Variants in MMP25 observed in about 807,000 individuals in gnomAD.
The protein encoded by MMP25 is matrix metallopeptidase 25.
Under a neutral mutation model 62.1 loss-of-function variants are expected in MMP25, and 68 were observed. The observed-to-expected ratio is 1.10, with a 90% confidence interval of 0.90 to 1.34. The LOEUF (loss-of-function observed/expected upper bound fraction) is 1.34. Among genes scored for constraint, MMP25 ranks in the 40% most tolerant of loss-of-function variants. MMP25 has a pLI of 0.00. For missense variants in MMP25, 942 were observed against 792.5 expected, an observed-to-expected ratio of 1.19 and a Z score of -2.26; for synonymous variants, 407 against 345.6, an observed-to-expected ratio of 1.18 and a Z score of -1.97.
intron 2 of MMP25, 22 bp from the exon 3 acceptor site, chr16:3,049,987 C>T (rs1955874577): frequency 2.5e-6 from 4 of 1,606,356 alleles, no homozygotes; most frequent in South Asian, 1.1e-5. Context: ...ACACACCCCC[C>T]ACCGCCAAAT....
Position 3,058,817 on chromosome 16 carries a change from G to A in MMP25, c.1418-10G>A. ...GGGGAGGGACCGGGACTCAAGCTCTGCTCCTCCAGGTGACACCTACTTCTT... is the reference window on the plus strand; with the variant it reads ...GGGGAGGGACCGGGACTCAAGCTCTACTCCTCCAGGTGACACCTACTTCTT... On this transcript the variant is annotated splice_polypyrimidine_tract_variant and intron_variant, in intron 9 of 9. Transcript: ENST00000336577. The A allele has an allele frequency of 1.3e-6, 2 of 1,506,864 alleles. No homozygotes were observed. The highest frequency in any genetic ancestry group is 1.8e-6 in the Non-Finnish European group (2 of 1,123,858). 93.3% of individuals were successfully genotyped at this position (1,506,864 alleles called of 1,614,324 possible). A position where few individuals can be genotyped will look rare whatever the true frequency, so the allele number is the denominator to read the frequency against.
intron 7 of MMP25, 57 bp downstream of exon 7, chr16:3,057,670 C>A: frequency 6.6e-7 from 1 of 1,505,480 alleles, no homozygotes; most frequent in Non-Finnish European, 9.3e-7. Context: ...TCCAGTGACC[C>A]ACTGGGGCTG....
intron 4 of MMP25, chr16:3,055,877 T>G: frequency 2.2e-6 from 1 of 455,550 alleles, no homozygotes; most frequent in Non-Finnish European, 4.4e-6. Context: ...CACCGGTTGA[T>G]GAGGAGCTGG....
chr16:3,048,996 C>A (rs1391547606), intron 2 of MMP25, among the ~76,000 whole-genome samples: 1 of 151,868 alleles, frequency 6.6e-6, no homozygotes, highest in African/African-American at 2.4e-5. Context: ...TTAGTAGAGA[C>A]AGGGTTTTGC....
chr16:3,047,336 G>A, intron 1 of MMP25, 79 bp from the exon 2 acceptor site: 3 of 1,535,144 alleles, frequency 2.0e-6, no homozygotes, highest in Non-Finnish European at 1.8e-6. Flanking sequence ...GGAGGGGCAG[G>A]GCTGCCAGGA....
chr16:3,058,217 T>C lies in MMP25; in HGVS notation c.1043T>C (p.Leu348Pro). 6.2e-7 allele frequency: 1 copy of C among 1,612,630 alleles called. No homozygotes were observed. The highest frequency in any genetic ancestry group is 1.1e-5 in the South Asian group (1 of 90,934). The change falls in exon 8 of 10, where the codon CTG becomes CCG. Residue 348 changes from leucine to proline, a missense_variant. Leu to Pro is a moderately conservative substitution (Grantham distance 98). Coordinates refer to ENST00000336577, the MANE Select transcript of MMP25 (RefSeq NM_022468.5). Reference sequence around the variant, plus strand: ...TGGCGCCTCCAGCCCTCCGGACAGCTGGTGTCCCCGCGACCCGCACGGCTG... The same window carrying C: ...TGGCGCCTCCAGCCCTCCGGACAGCCGGTGTCCCCGCGACCCGCACGGCTG... ...WFWRLQPSGQ[L>P]VSPRPARLHR...
chr16:3,055,983 T>C lies in MMP25; in HGVS notation c.662-1050T>C, dbSNP rs575457485. ...GGAAGAGGCTGGGAGCAAGGCCGGG[T>C]GCTGGGGCCGGCAGGCTGTGTTCTG... On this transcript the variant is annotated intron_variant, in intron 4 of 9. Transcript: ENST00000336577. 115 of 454,080 alleles carry C rather than the reference T, an allele frequency of 2.5e-4. 1 individual carries two copies. Among genetic ancestry groups the C allele is most frequent in the East Asian group, 9.8e-4 (14 of 14,352 alleles). 28.1% of individuals were successfully genotyped at this position (454,080 alleles called of 1,614,324 possible). A position where few individuals can be genotyped will look rare whatever the true frequency, so the allele number is the denominator to read the frequency against.
chr16:3,050,601 A>C (rs1412515556), intron 4 of MMP25, 55 bp downstream of exon 4: 4 of 1,468,254 alleles, frequency 2.7e-6, no homozygotes, highest in East Asian at 2.3e-5. Flanking sequence ...CTTAAGAATA[A>C]GTTTTCTGTT....
chr16:3,049,734 A>G (rs540963228), intron 2 of MMP25, among the ~76,000 whole-genome samples: 7 of 152,308 alleles, frequency 4.6e-5, no homozygotes, highest in East Asian at 1.9e-4. Flanking sequence ...AGCTGGATGC[A>G]AAATCCTGGC....
Position 3,058,952 on chromosome 16 carries a change from C to T in MMP25, c.1543C>T (p.Pro515Ser), listed in dbSNP as rs201420558. The T allele has an allele frequency of 1.5e-4, 212 of 1,370,200 alleles. No homozygotes were observed. The highest frequency in any genetic ancestry group is 3.8e-4 in the Admixed American group (19 of 50,156). The allele number at this position is 1,370,200 out of a possible 1,614,324, so 84.9% of individuals were successfully genotyped here. The change falls in exon 10 of 10, where the codon CCC (proline) becomes TCC (serine). Residue 515 changes from proline (P) to serine (S), a missense_variant. By Grantham distance (74) the Pro-to-Ser change is moderately conservative. Coordinates refer to ENST00000336577, the MANE Select transcript of MMP25 (RefSeq NM_022468.5). The stretch of plus-strand genomic sequence containing the variant: ...GGACTGCCCCGCCCCGAGCTCTGGT[C>T]CCCGCGCCCCCAGGCCCCCCAAAGC... ...WLDCPAPSSGPRAPRPPKATP... is the reference protein window; with the variant it reads ...WLDCPAPSSGSRAPRPPKATP...
rs10431961 is a variant in MMP25, at chr16:3,050,094, C to G, written c.318C>G (p.Arg106=). The change falls in exon 3 of 10, where the codon CGC becomes CGG. Residue 106 remains arginine, a synonymous_variant. Transcript: ENST00000336577. Reference sequence around the variant, plus strand: ...TGGCGGGGCTGGTCAGGCGGCGTCGCCGGTACGCTCTGAGCGGCAGCGTGT... The same window carrying G: ...TGGCGGGGCTGGTCAGGCGGCGTCGGCGGTACGCTCTGAGCGGCAGCGTGT... ...LGVAGLVRRR[R]RYALSGSVWK... is the part of the protein sequence containing the mutation. 1 of 1,611,076 alleles carries G rather than the reference C, an allele frequency of 6.2e-7. No homozygotes were observed.
chr16:3,056,751 TCCCAGAGGAGGGGC>T (rs1956015831), intron 4 of MMP25: 4 of 370,520 alleles, frequency 1.1e-5, no homozygotes, highest in Non-Finnish European at 2.0e-5. Flanking sequence ...AGTGCTCCCT[TCCCAGAGGAGGGGC>T]CCCATCGGTG....
Position 3,046,863 on chromosome 16 carries a change from C to A in MMP25, c.-55C>A. On this transcript the variant is annotated 5_prime_UTR_variant, in exon 1 of 10. Coordinates refer to ENST00000336577, the MANE Select transcript of MMP25 (RefSeq NM_022468.5). ...GATCTCCTCCCCCAGGTCCCCGGGG[C>A]GGCCCCAGCCAGGCCCCCTTCGAAC... 5 of 1,042,758 alleles carry A rather than the reference C, an allele frequency of 4.8e-6. No individual in the cohort carries two copies. Among genetic ancestry groups the A allele is most frequent in the Non-Finnish European group, 6.4e-6 (5 of 780,280 alleles). The allele number at this position is 1,042,758 out of a possible 1,614,324, so 64.6% of individuals were successfully genotyped here.
Position 3,047,032 on chromosome 16 carries a change from G to T in MMP25, c.99+16G>T, listed in dbSNP as rs754195874. On this transcript the variant is annotated intron_variant, in intron 1 of 9. Transcript: ENST00000336577. ...CCTGGGCGTGGTGAGCGCGGGGTCC[G>T]CAGGCTCCTGGGGTCTGCAGAGAGA... 1 of 1,426,918 alleles carries T rather than the reference G, an allele frequency of 7.0e-7. No individual in the cohort carries two copies. Among genetic ancestry groups the T allele is most frequent in the Non-Finnish European group, 9.1e-7 (1 of 1,098,190 alleles). The allele number at this position is 1,426,918 out of a possible 1,614,324, so 88.4% of individuals were successfully genotyped here. A position where few individuals can be genotyped will look rare whatever the true frequency, so the allele number is the denominator to read the frequency against.
rs1190913964 is a variant in MMP25, at chr16:3,059,146, C to T, written c.*48C>T. On this transcript the variant is annotated 3_prime_UTR_variant, in exon 10 of 10. Coordinates refer to ENST00000336577, the MANE Select transcript of MMP25 (RefSeq NM_022468.5). ...ACAGCGCCCTCCACGGCCGAGTCCC[C>T]CGCCGCTGGACCTGGTCGGGGGTTG... The T allele has an allele frequency of 2.7e-6, 4 of 1,476,954 alleles. No homozygotes were observed. The highest frequency in any genetic ancestry group is 3.6e-6 in the Non-Finnish European group (4 of 1,107,780). 91.5% of individuals were successfully genotyped at this position (1,476,954 alleles called of 1,614,324 possible). A position where few individuals can be genotyped will look rare whatever the true frequency, so the allele number is the denominator to read the frequency against.
Position 3,057,217 on chromosome 16 carries a change from G to C in MMP25, c.838+8G>C. ...GCCTGCAGCAACTCTATGGTAGGGG[G>C]AGAGGGACCTGCCGCGAAACCATCA... On this transcript the variant is annotated splice_region_variant and intron_variant, in intron 5 of 9. Coordinates refer to ENST00000336577, the MANE Select transcript of MMP25 (RefSeq NM_022468.5). The C allele has an allele frequency of 6.2e-7, 1 of 1,613,370 alleles. No individual in the cohort carries two copies. Among genetic ancestry groups the C allele is most frequent in the Non-Finnish European group, 8.5e-7 (1 of 1,179,646 alleles).
chr16:3,056,498 C>T (rs1271642775), intron 4 of MMP25, among the ~76,000 whole-genome samples: 1 of 152,016 alleles, frequency 6.6e-6, no homozygotes, highest in Non-Finnish European at 1.5e-5. Context: ...CTCCCGGGCT[C>T]CAGCGATTCT....
rs765302161 is a variant in MMP25, at chr16:3,050,488, C to G, written c.603C>G (p.His201Gln). Residue 201 changes from histidine to glutamine, a missense_variant, in exon 4 of 10, where the codon CAC (histidine) becomes CAG (glutamine). Transcript: ENST00000336577. Reference sequence around the variant, plus strand: ...CCCATGCCTTCTTCCCTGGGGAGCACCCCATCTCCGGGGACACTCACTTTG... The same window carrying G: ...CCCATGCCTTCTTCCCTGGGGAGCAGCCCATCTCCGGGGACACTCACTTTG... Reference protein sequence around the residue: ...TLAHAFFPGEHPISGDTHFDD... With the variant: ...TLAHAFFPGEQPISGDTHFDD... 2 of 1,601,674 alleles carry G rather than the reference C, an allele frequency of 1.2e-6. No homozygotes were observed. The highest frequency in any genetic ancestry group is 1.7e-6 in the Non-Finnish European group (2 of 1,172,416).
chr16:3,057,171 T>C lies in MMP25; in HGVS notation c.800T>C (p.Leu267Pro), dbSNP rs201815738. Residue 267 changes from leucine to proline, a missense_variant, in exon 5 of 10, where the codon CTG (leucine) becomes CCG (proline). Leu to Pro is a moderately conservative substitution (Grantham distance 98, BLOSUM62 -3). Transcript: ENST00000336577. ...GTGGGCGACCCTGACAAGTACCGCC[T>C]GTCTCAGGATGACCGCGATGGCCTG... The part of the protein sequence containing the change: ...GPVGDPDKYR[L>P]SQDDRDGLQQ... 2.7e-5 allele frequency: 44 copies of C among 1,612,562 alleles called. No individual in the cohort carries two copies. In the Admixed American group the frequency reaches 2.8e-4, roughly 10 times the overall value.
Sources: allele counts gnomAD v4.1 joint callset (sites outside exome capture counted in the v4.1 genomes callset), GRCh38; gene constraint gnomAD v4.1.1; transcripts MANE v1.5; gene names NCBI Gene and HGNC (gene_info 2026-07-23, HGNC 2026-07-21).